The following SEMA3D variants were observed in gnomAD, a reference collection of about 807,000 sequenced individuals.
The protein encoded by SEMA3D is semaphorin-3D.
SEMA3D carries 84 observed loss-of-function variants against 100.1 expected under a neutral mutation model. The observed-to-expected ratio is 0.84, with a 90% CI of 0.70 to 1.01. The LOEUF is 1.01. Ranked by LOEUF, SEMA3D falls within the 50% of genes least tolerant of loss-of-function variation. SEMA3D has a pLI of 0.00. For synonymous variants in SEMA3D, 312 were observed against 320.7 expected, an observed-to-expected ratio of 0.97 and a Z score of 0.29; for missense variants, 875 against 934.1, an observed-to-expected ratio of 0.94 and a Z score of 0.82.
chr7:85,143,349 A>G (rs1790109231), intron 2 of SEMA3D: 1 of 300,994 alleles, frequency 3.3e-6, no homozygotes, highest in Non-Finnish European at 4.9e-6. Context: ...TAAATTTGTC[A>G]TTAGGTGATT....
chr7:85,134,462 T>C (rs1438836238), intron 2 of SEMA3D, among the ~76,000 whole-genome samples: 1 of 152,036 alleles, frequency 6.6e-6, no homozygotes, highest in Non-Finnish European at 1.5e-5. Flanking sequence ...ATTCAAAACA[T>C]GAGTTGTTAT....
In SEMA3D at chr7:85,140,867, T is replaced by TA. The variant is rs973244667; in HGVS notation, c.-41+12740dup. The TA allele has an allele frequency of 7.6e-6, 6 of 789,008 alleles. No homozygotes were observed. In the African/African-American group the frequency reaches 1.1e-4, roughly 15 times the overall value. The allele number at this position is 789,008 out of a possible 1,614,324, so 48.9% of individuals were successfully genotyped here. A position where few individuals can be genotyped will look rare whatever the true frequency, so the allele number is the denominator to read the frequency against. On this transcript the variant is annotated intron_variant, in intron 2 of 18. Coordinates refer to ENST00000284136, the MANE Select transcript of SEMA3D (RefSeq NM_001384900.1). The stretch of plus-strand genomic sequence containing the variant: ...TCTACCATTAAAAAAATGGTAGGTA[T>TA]ACAAAAAGAAAATCAAAACACCATC...
Position 84,998,091 on chromosome 7 carries a change from G to C in SEMA3D, c.*1349C>G, listed in dbSNP as rs144496963. The C allele has an allele frequency of 4.6e-5, 7 of 152,220 alleles. No homozygotes were observed. The East Asian group carries it at 1.4e-3, about 29-fold the overall frequency. The allele number at this position is 152,220 out of a possible 1,614,324, so 9.4% of individuals were successfully genotyped here. A position where few individuals can be genotyped will look rare whatever the true frequency, so the allele number is the denominator to read the frequency against. On this transcript the variant is annotated 3_prime_UTR_variant, in exon 19 of 19. Transcript: ENST00000284136. ...ATTAACTCAGCAATGAGAAAAGGTT[G>C]AGTGAAGATGTCAAAGAGTTAATTT...
At chr7:85,019,381 G>A (rs1790192665) in intron 14 of SEMA3D, among the ~76,000 whole-genome samples, 1 of 151,794 alleles carries the variant, frequency 6.6e-6, no homozygotes, top group South Asian at 2.1e-4. Flanking sequence ...GTAGACACCA[G>A]ATAGCAGGTC....
chr7:85,178,963 C>A (rs1382307831), intron 1 of SEMA3D, among the ~76,000 whole-genome samples: 1 of 152,176 alleles, frequency 6.6e-6, no homozygotes, highest in African/African-American at 2.4e-5. Flanking sequence ...TAAGAGGGTG[C>A]AACCTAAGTC....
intron 8 of SEMA3D, among the ~76,000 whole-genome samples, chr7:85,058,747 C>CAAAAAAAAAAAA (rs67267318): frequency 1.6e-5 from 1 of 64,272 alleles, no homozygotes; most frequent in East Asian, 5.0e-4. Flanking sequence ...GACTCCACTA[C>CAAAAAAAAAAAA]AAAAAAAAAA....
At chr7:85,003,935 A>G (rs188706652) in intron 18 of SEMA3D, among the ~76,000 whole-genome samples, 1 of 152,280 alleles carries the variant, frequency 6.6e-6, no homozygotes, top group African/African-American at 2.4e-5. Context: ...GTTTATCAAA[A>G]TCCATAAAGA....
chr7:85,134,089 A>G (rs1472645605), intron 2 of SEMA3D, among the ~76,000 whole-genome samples: 1 of 152,052 alleles, frequency 6.6e-6, no homozygotes, highest in African/African-American at 2.4e-5. Flanking sequence ...TTGCAGTATT[A>G]ACAATACATT....
intron 5 of SEMA3D, among the ~76,000 whole-genome samples, chr7:85,075,397 C>T (rs1397046352): frequency 6.7e-6 from 1 of 149,578 alleles, no homozygotes; most frequent in East Asian, 2.0e-4. Flanking sequence ...ATTTTATACA[C>T]AATGGGGATA....
the SEMA3D span, among the ~76,000 whole-genome samples, chr7:85,231,263 A>T: frequency 4.7e-4 from 71 of 152,060 alleles, no homozygotes; most frequent in Admixed American, 1.2e-3. Flanking sequence ...ATATATTATG[A>T]TTATTGACAA....
intron 3 of SEMA3D, among the ~76,000 whole-genome samples, chr7:85,106,013 T>C (rs915627700): frequency 6.6e-6 from 1 of 152,122 alleles, no homozygotes; most frequent in African/African-American, 2.4e-5. Context: ...TTATCATTTA[T>C]AGTTACGGAG....
chr7:85,126,181 C>A (rs558717208), intron 2 of SEMA3D, among the ~76,000 whole-genome samples: 8 of 152,078 alleles, frequency 5.3e-5, no homozygotes, highest in African/African-American at 1.9e-4. Flanking sequence ...ATTTGAGGAG[C>A]AAGAAATATG....
intron 18 of SEMA3D, among the ~76,000 whole-genome samples, chr7:85,001,292 G>C (rs141462336): frequency 1.2e-4 from 18 of 152,238 alleles, no homozygotes; most frequent in African/African-American, 4.1e-4. Context: ...TTGTTTGTTT[G>C]TTTCTCTTAT....
At chr7:85,062,990 C>A (rs909134915) in intron 8 of SEMA3D, among the ~76,000 whole-genome samples, 12 of 152,132 alleles carry the variant, frequency 7.9e-5, no homozygotes, top group Non-Finnish European at 1.5e-5. Flanking sequence ...AGCCTCACTT[C>A]TACCTCCCAC....
At chr7:85,186,365 C>T (rs942687944) in intron 1 of SEMA3D, among the ~76,000 whole-genome samples, 1 of 152,114 alleles carries the variant, frequency 6.6e-6, no homozygotes, top group African/African-American at 2.4e-5. Flanking sequence ...GGACGCGTCT[C>T]AGGAGGAAAA....
intron 8 of SEMA3D, among the ~76,000 whole-genome samples, chr7:85,061,744 ACT>A (rs1791484285): frequency 6.6e-6 from 1 of 152,000 alleles, no homozygotes; most frequent in Non-Finnish European, 1.5e-5. Flanking sequence ...TTCTCCCCTT[ACT>A]CTGCCCTAGT....
intron 4 of SEMA3D, among the ~76,000 whole-genome samples, chr7:85,085,413 T>C (rs977998457): frequency 6.6e-6 from 1 of 152,208 alleles, no homozygotes; most frequent in African/African-American, 2.4e-5. Context: ...TATTCACTAG[T>C]GCTTCTAAGA....
intron 2 of SEMA3D, chr7:85,141,162 T>C (rs1207961593): frequency 1.0e-6 from 1 of 984,504 alleles, no homozygotes; most frequent in Non-Finnish European, 1.2e-6. Context: ...TCTAAGCACA[T>C]TATAACTAGT....
chr7:85,160,211 A>AG (rs1383384117), intron 1 of SEMA3D, among the ~76,000 whole-genome samples: 1 of 104,692 alleles, frequency 9.6e-6, no homozygotes, highest in Non-Finnish European at 2.5e-5. Flanking sequence ...TGTTTTTTTT[A>AG]CCATTGAAGT....
Sources: gnomAD v4.1 joint callset for allele counts (sites outside exome capture counted in the v4.1 genomes callset) on GRCh38, gnomAD v4.1.1 for gene constraint, MANE v1.5 for transcripts, NCBI Gene and HGNC (gene_info 2026-07-23, HGNC 2026-07-21) for gene names.